The following RGS11 variants were observed in gnomAD, a reference collection of about 807,000 sequenced individuals.
RGS11 encodes the protein regulator of G-protein signaling 11.
In RGS11, 86 loss-of-function variants were observed where a neutral mutation model predicts 71.1. That is an observed-to-expected ratio of 1.21 (90% CI 1.02 to 1.45). The LOEUF (loss-of-function observed/expected upper bound fraction) is 1.45. RGS11 is among the 40% of genes most tolerant of loss of function. RGS11 has a pLI of 0.00. For synonymous variants in RGS11, 298 were observed against 254.2 expected, an observed-to-expected ratio of 1.17 and a Z score of -1.64; for missense variants, 734 against 635.1, an observed-to-expected ratio of 1.16 and a Z score of -1.67.
Position 273,457 on chromosome 16 carries a change from C to T in RGS11, c.588+18G>A, listed in dbSNP as rs941253274. 1.2e-5 allele frequency: 18 copies of T among 1,541,362 alleles called. No homozygotes were observed. The highest frequency in any genetic ancestry group is 1.6e-5 in the Non-Finnish European group (18 of 1,141,802). On this transcript the variant is annotated intron_variant, in intron 8 of 16. Coordinates refer to ENST00000397770, the MANE Select transcript of RGS11 (RefSeq NM_183337.3). ...TGCGCTGGCCAGCGACCCCCACCCT[C>T]ACCGCAGGTGGGCTCACCGGGGGCC...
At position 271,477 on chromosome 16, in the gene RGS11, G is replaced by A; in HGVS notation, c.688-17C>T. The stretch of plus-strand genomic sequence containing the variant: ...GTACTCGATCTAGGATGTGGGGCCT[G>A]TGAGTCAGGTCCCGGGCTGGGGAAG... On this transcript the variant is annotated splice_polypyrimidine_tract_variant and intron_variant, in intron 10 of 16. Transcript: ENST00000397770. The A allele has an allele frequency of 6.2e-7, 1 of 1,613,982 alleles. No homozygotes were observed. The highest frequency in any genetic ancestry group is 8.5e-7 in the Non-Finnish European group (1 of 1,180,016).
Position 273,533 on chromosome 16 carries a change from C to G in RGS11, c.530G>C (p.Gly177Ala). The G allele has an allele frequency of 6.4e-7, 1 of 1,560,168 alleles. No individual in the cohort carries two copies. Among genetic ancestry groups the G allele is most frequent in the Non-Finnish European group, 8.7e-7 (1 of 1,152,312 alleles). ...QLRAAKQRSK[G>A]DRLVIACQEQ... The stretch of plus-strand genomic sequence containing the variant: ...CTGGCACGCAATGACCAGCCTGTCC[C>G]CCTTGCTGCGCTGCTTGGCTGCCCT... Residue 177 changes from glycine to alanine, a missense_variant, in exon 8 of 17, where the codon GGG (glycine) becomes GCG (alanine). By Grantham distance (60) the Gly-to-Ala change is moderately conservative. Transcript: ENST00000397770.
rs1477559693 is a variant in RGS11, at chr16:269,235, T to G, written c.*34A>C. 26 of 1,429,394 alleles carry G rather than the reference T, an allele frequency of 1.8e-5. No individual in the cohort carries two copies. Among genetic ancestry groups the G allele is most frequent in the Non-Finnish European group, 1.9e-6 (2 of 1,036,868 alleles). 88.5% of individuals were successfully genotyped at this position (1,429,394 alleles called of 1,614,324 possible). On this transcript the variant is annotated 3_prime_UTR_variant, in exon 17 of 17. Transcript: ENST00000397770. ...GCTGCATTCACGCAGGACGTTGAGC[T>G]GCAGGGACTAGAGTGGCAGATGGGC...
In RGS11 at chr16:274,077, A is replaced by G. The variant is rs745943037; in HGVS notation, c.395T>C (p.Ile132Thr). The G allele has an allele frequency of 1.3e-6, 2 of 1,551,476 alleles. No homozygotes were observed. Among genetic ancestry groups the G allele is most frequent in the Non-Finnish European group, 1.7e-6 (2 of 1,147,316 alleles). The change falls in exon 6 of 17, where the codon ATC (isoleucine) becomes ACC (threonine). Residue 132 changes from isoleucine to threonine, a missense_variant. Ile to Thr is a moderately conservative substitution (Grantham distance 89). Coordinates refer to ENST00000397770, the MANE Select transcript of RGS11 (RefSeq NM_183337.3). The part of the protein sequence containing the change: ...DYAIYLAKKN[I>T]RKRGTLVDYE... ...ATCCACCAGGGTCCCCCGTTTTCGGATGTTCTTCTTGGCCAGGTAGATGGC... is the reference window on the plus strand; with the variant it reads ...ATCCACCAGGGTCCCCCGTTTTCGGGTGTTCTTCTTGGCCAGGTAGATGGC...
rs201491080 is a variant in RGS11, at chr16:270,983, C to T, written c.979+1G>A. 25 of 1,609,278 alleles carry T rather than the reference C, an allele frequency of 1.6e-5. No individual in the cohort carries two copies. Among genetic ancestry groups the T allele is most frequent in the Non-Finnish European group, 2.0e-5 (23 of 1,177,266 alleles). On this transcript the variant is annotated splice_donor_variant, in intron 13 of 16. Transcript: ENST00000397770. LOFTEE classifies it high-confidence loss of function. ...TGGAGCAGGGGCTGGGGGGTTCTCA[C>T]CACTGAACTCCTTTCCCAGAAAGTC...
chr16:274,583 T>C (rs1596914717), intron 4 of RGS11: 1 of 593,564 alleles, frequency 1.7e-6, no homozygotes, highest in African/African-American at 1.8e-5. Context: ...TGGGGAGGGG[T>C]ACAACCGACG....
At chr16:271,490 C>T (rs376124889) in intron 10 of RGS11, 30 bp from the exon 11 acceptor site, 803 of 1,613,830 alleles carry the variant, frequency 5.0e-4, no homozygotes, top group Non-Finnish European at 6.3e-4. Context: ...AGTCAGGTCC[C>T]GGGCTGGGGA....
At chr16:273,352 C>T (rs1416042849) in intron 8 of RGS11, 123 bp downstream of exon 8, 2 of 725,810 alleles carry the variant, frequency 2.8e-6, no homozygotes, top group African/African-American at 3.6e-5. Flanking sequence ...CCTGCCCCCA[C>T]CAGGAGCTCC....
rs780566447 is a variant in RGS11, at chr16:271,232, TTGTC to T, written c.829_832del (p.Asp277MetfsTer7). The T allele has an allele frequency of 1.1e-5, 17 of 1,612,788 alleles. No individual in the cohort carries two copies. The highest frequency in any genetic ancestry group is 6.7e-5 in the Admixed American group (4 of 59,992). On this transcript the variant is annotated frameshift_variant, in exon 12 of 17. Coordinates refer to ENST00000397770, the MANE Select transcript of RGS11 (RefSeq NM_183337.3). LOFTEE classifies it high-confidence loss of function. ...GGCATTCATGACCCAGTAGGCGTCA[TTGTC>T]TGAGATCCAGGGATTGCTGGGCAGG...
intron 9 of RGS11, chr16:272,288 A>T (rs977979573): frequency 7.9e-7 from 1 of 1,260,482 alleles, no homozygotes; most frequent in Non-Finnish European, 1.0e-6. Context: ...ACGCGCTGCG[A>T]GTCCTGGCCT....
In RGS11 at chr16:271,557, C is replaced by T. The variant is rs1284292002; in HGVS notation, c.670G>A (p.Asp224Asn). 1.2e-6 allele frequency: 2 copies of T among 1,613,906 alleles called. No individual in the cohort carries two copies. The highest frequency in any genetic ancestry group is 1.7e-5 in the Admixed American group (1 of 60,006). ...GAACTTACCTCCCGCTTATGGAAAT[C>T]TGCACTCTTGGTCTAGAAGGGGATA... ...ASRVLMTKSA[D>N]FHKREIEYFR... The change falls in exon 10 of 17, where the codon GAT (aspartate) becomes AAT (asparagine). Residue 224 changes from aspartate to asparagine, a missense_variant. Asp to Asn is a conservative substitution (Grantham distance 23). Coordinates refer to ENST00000397770, the MANE Select transcript of RGS11 (RefSeq NM_183337.3).
intron 1 of RGS11, 118 bp from the exon 2 acceptor site, chr16:275,616 C>T: frequency 1.1e-6 from 1 of 918,494 alleles, no homozygotes. Flanking sequence ...GCGGCGGATT[C>T]CAGGCCGCAG....
At chr16:274,920 C>A in intron 4 of RGS11, 56 bp downstream of exon 4, 1 of 836,906 alleles carries the variant, frequency 1.2e-6, no homozygotes, top group Non-Finnish European at 1.8e-6. Context: ...AGTTGGTAAG[C>A]TGGGTGGGTG....
At position 268,767 on chromosome 16, in the gene RGS11, C is replaced by T; in HGVS notation, c.*502G>A. ...CCTCAGCACGGCACTCTCTTGGGTC[C>T]TCTTCCAGGCTCACACTGGGCGACA... On this transcript the variant is annotated 3_prime_UTR_variant, in exon 17 of 17. Transcript: ENST00000397770. 1 of 1,549,360 alleles carries T rather than the reference C, an allele frequency of 6.5e-7. No individual in the cohort carries two copies. The highest frequency in any genetic ancestry group is 8.7e-7 in the Non-Finnish European group (1 of 1,146,824).
intron 8 of RGS11, 32 bp from the exon 9 acceptor site, chr16:272,963 G>C (rs1370002365): frequency 6.8e-7 from 1 of 1,468,936 alleles, no homozygotes; most frequent in Non-Finnish European, 9.1e-7. Context: ...AGGTGGGGAT[G>C]CAGTTCCGGT....
Position 273,767 on chromosome 16 carries a change from G to T in RGS11, c.499C>A (p.Gln167Lys), listed in dbSNP as rs1272625485. ...WDLVLMQARE[Q>K]LRAAKQRSKG... ...GGCAGGGCGGGGCCTCACCTCAGCT[G>T]CTCCCTCGCCTGCATCAGCACCAGG... is the stretch of plus-strand genomic sequence containing the variant. Residue 167 changes from glutamine to lysine, a missense_variant, in exon 7 of 17, where the codon CAG becomes AAG. Physicochemically the swap from Gln to Lys is moderately conservative, Grantham distance 53. Coordinates refer to ENST00000397770, the MANE Select transcript of RGS11 (RefSeq NM_183337.3). 3 of 1,612,340 alleles carry T rather than the reference G, an allele frequency of 1.9e-6. No homozygotes were observed. The Admixed American group carries it at 5.0e-5, about 27-fold the overall frequency.
chr16:270,099 A>G (rs2051852987), intron 15 of RGS11, among the ~76,000 whole-genome samples: 1 of 151,968 alleles, frequency 6.6e-6, no homozygotes, highest in African/African-American at 2.4e-5. Flanking sequence ...AATACAAAAA[A>G]TTAGCCGGGC....
intron 4 of RGS11, chr16:274,720 C>T (rs555579453): frequency 1.3e-5 from 9 of 693,378 alleles, no homozygotes; most frequent in Admixed American, 6.1e-5. Flanking sequence ...TCTGCACATA[C>T]GACCCCTTGT....
rs960154270 is a variant in RGS11 at position 274,064 on chromosome 16, C to T, written c.408G>A (p.Gly136=). ...CCACCTTCTCATAATCCACCAGGGT[C>T]CCCCGTTTTCGGATGTTCTTCTTGG... ...YLAKKNIRKR[G]TLVDYEKDCY... Residue 136 remains glycine, a synonymous_variant, in exon 6 of 17, where the codon GGG becomes GGA. Transcript: ENST00000397770. 4 of 1,550,854 alleles carry T rather than the reference C, an allele frequency of 2.6e-6. No homozygotes were observed. Among genetic ancestry groups the T allele is most frequent in the African/African-American group, 1.4e-5 (1 of 73,158 alleles).
Sources: allele counts gnomAD v4.1 joint callset (sites outside exome capture counted in the v4.1 genomes callset), GRCh38; gene constraint gnomAD v4.1.1; transcripts MANE v1.5; gene names NCBI Gene and HGNC (gene_info 2026-07-23, HGNC 2026-07-21).